ADH5: variants seen among roughly 807,000 people sequenced by gnomAD.
ADH5 encodes the protein alcohol dehydrogenase 5 (class III), chi polypeptide.
ADH5 carries 32 observed loss-of-function variants against 40.3 expected under a neutral mutation model. The ratio of observed to expected loss-of-function variants is 0.79; its 90% CI spans 0.60 to 1.07. The LOEUF (loss-of-function observed/expected upper bound fraction) is 1.07. Among genes scored for constraint, ADH5 ranks in the 50% least tolerant of loss-of-function variants. The pLI is 0.00. For missense variants in ADH5, 353 were observed against 460.5 expected, an observed-to-expected ratio of 0.77 and a Z score of 2.14; for synonymous variants, 125 against 154.3, an observed-to-expected ratio of 0.81 and a Z score of 1.41.
At chr4:99,082,822 G>A (rs1441412611) in intron 2 of ADH5, among the ~76,000 whole-genome samples, 1 of 152,052 alleles carries the variant, frequency 6.6e-6, no homozygotes, top group Non-Finnish European at 1.5e-5. Context: ...GACTGCAGGC[G>A]CGTACCACCA....
At chr4:99,088,628 C>G (rs1728198520) in intron 1 of ADH5, 61 bp downstream of exon 1, 1 of 1,554,000 alleles carries the variant, frequency 6.4e-7, no homozygotes, top group South Asian at 1.2e-5. Context: ...GGATAGCAGC[C>G]TAGTCCCATG....
chr4:99,088,438 T>G (rs577116790), intron 1 of ADH5, among the ~76,000 whole-genome samples: 54 of 141,490 alleles, frequency 3.8e-4, no homozygotes, highest in African/African-American at 1.4e-3. Flanking sequence ...ACTCTCCGGC[T>G]CTCCCACCCC....
intron 4 of ADH5, among the ~76,000 whole-genome samples, chr4:99,078,277 G>A (rs1027097107): frequency 6.6e-6 from 1 of 152,010 alleles, no homozygotes; most frequent in Non-Finnish European, 1.5e-5. Flanking sequence ...AAACTCTTTC[G>A]AACATACATA....
chr4:99,088,342 GTTACTTAATT>G (rs564588697), intron 1 of ADH5, among the ~76,000 whole-genome samples: 1 of 152,286 alleles, frequency 6.6e-6, no homozygotes, highest in East Asian at 1.9e-4. Context: ...CCCAGAGCGA[GTTACTTAATT>G]TCGTGTAAGA....
intron 7 of ADH5, 52 bp downstream of exon 7, chr4:99,074,862 G>C (rs952877643): frequency 6.6e-7 from 1 of 1,524,238 alleles, no homozygotes; most frequent in Non-Finnish European, 8.9e-7. Context: ...TTAAACATCT[G>C]CCAATGCAAC....
chr4:99,083,352 C>T (rs1396160924), intron 2 of ADH5, among the ~76,000 whole-genome samples: 1 of 152,032 alleles, frequency 6.6e-6, no homozygotes, highest in Non-Finnish European at 1.5e-5. Context: ...GTAATCCCAG[C>T]ACTTTGGGAG....
intron 2 of ADH5, 107 bp from the exon 3 acceptor site, chr4:99,082,223 A>G: frequency 8.7e-7 from 1 of 1,150,122 alleles, no homozygotes; most frequent in Non-Finnish European, 1.2e-6. Context: ...CATTGACTCT[A>G]AGACACATTT....
In ADH5 at chr4:99,074,922, G is replaced by A; in HGVS notation, c.953C>T (p.Ala318Val). The A allele has an allele frequency of 1.2e-6, 2 of 1,611,234 alleles. No individual in the cohort carries two copies. Among genetic ancestry groups the A allele is most frequent in the Non-Finnish European group, 1.7e-6 (2 of 1,178,306 alleles). The part of the protein sequence containing the change: ...LVTGRTWKGT[A>V]FGGWKSVESV... ...CTCATCCATCGAATTACCTCCAAAG[G>A]CAGTGCCTTTCCATGTGCGACCTGT... is the stretch of plus-strand genomic sequence containing the variant. The change falls in exon 7 of 9, where the codon GCC becomes GTC. Residue 318 changes from alanine (A) to valine (V), a missense_variant. Physicochemically the swap from Ala to Val is moderately conservative, Grantham distance 64. Transcript: ENST00000296412.
At chr4:99,081,904 T>C (rs374897291) in intron 3 of ADH5, 71 bp downstream of exon 3, 3 of 1,537,844 alleles carry the variant, frequency 2.0e-6, no homozygotes, top group Non-Finnish European at 1.8e-6. Flanking sequence ...TGGGTAGTTT[T>C]ATCAGAAAAA....
chr4:99,076,666 T>G, intron 5 of ADH5, 38 bp downstream of exon 5: 1 of 1,604,174 alleles, frequency 6.2e-7, no homozygotes, highest in Non-Finnish European at 8.5e-7. Flanking sequence ...TGAATTAAAT[T>G]AGAAGGCAGA....
At chr4:99,085,686 T>G in intron 1 of ADH5, 1 of 203,086 alleles carries the variant, frequency 4.9e-6, no homozygotes, top group Non-Finnish European at 1.1e-5. Context: ...CTATATCCCT[T>G]GTAACTGCAC....
rs1727856520 is a variant in ADH5, at chr4:99,072,660, T to A, written c.1013A>T (p.Lys338Ile). The stretch of plus-strand genomic sequence containing the variant: ...CACAAATTCATCAACTTTTATCTTT[T>A]TGGACATATATTCAGACACCAACTT... ...VPKLVSEYMS[K>I]KIKVDEFVTH... The change falls in exon 8 of 9, where the codon AAA (lysine) becomes ATA (isoleucine). Residue 338 changes from lysine (K) to isoleucine (I), a missense_variant. Coordinates refer to ENST00000296412, the MANE Select transcript of ADH5 (RefSeq NM_000671.4). The A allele has an allele frequency of 6.2e-7, 1 of 1,613,598 alleles. No homozygotes were observed. Among genetic ancestry groups the A allele is most frequent in the Non-Finnish European group, 8.5e-7 (1 of 1,179,718 alleles).
intron 4 of ADH5, 128 bp downstream of exon 4, chr4:99,081,237 G>T (rs1421012989): frequency 9.6e-6 from 6 of 622,954 alleles, no homozygotes; most frequent in East Asian, 7.5e-5. Flanking sequence ...TCAGTCCTTT[G>T]AACGTTAATC....
intron 6 of ADH5, 144 bp downstream of exon 6, chr4:99,076,148 C>G: frequency 1.3e-6 from 1 of 772,948 alleles, no homozygotes. Context: ...CATTGTAGTT[C>G]AAATAGATAT....
At chr4:99,080,678 G>C (rs1453911357) in intron 4 of ADH5, 1 of 152,422 alleles carries the variant, frequency 6.6e-6, no homozygotes, top group African/African-American at 2.4e-5. Context: ...GCTGTGCCCA[G>C]GTACCCTCTC....
intron 6 of ADH5, 70 bp downstream of exon 6, chr4:99,076,222 T>C (rs1727925726): frequency 6.5e-7 from 1 of 1,537,394 alleles, no homozygotes; most frequent in South Asian, 1.2e-5. Flanking sequence ...AACAAAACAA[T>C]TTTTAATCTA....
chr4:99,086,439 G>A (rs1728133839), intron 1 of ADH5, among the ~76,000 whole-genome samples: 1 of 152,162 alleles, frequency 6.6e-6, no homozygotes, highest in Non-Finnish European at 1.5e-5. Flanking sequence ...ACAGGAGACA[G>A]ACTTTAAAGT....
chr4:99,076,216 AAAC>A, intron 6 of ADH5, 73 bp downstream of exon 6: 2 of 1,523,874 alleles, frequency 1.3e-6, no homozygotes, highest in East Asian at 4.5e-5. Context: ...TGCCAAAACA[AAAC>A]AATTTTTAAT....
chr4:99,076,888 G>C lies in ADH5; in HGVS notation c.380C>G (p.Thr127Ser), dbSNP rs762798395. 8.1e-6 allele frequency: 13 copies of C among 1,613,548 alleles called. No individual in the cohort carries two copies. The highest frequency in any genetic ancestry group is 1.1e-5 in the South Asian group (1 of 90,980). Residue 127 changes from threonine to serine, a missense_variant, in exon 5 of 9, where the codon ACC becomes AGC. Thr to Ser is a moderately conservative substitution (Grantham distance 58). Transcript: ENST00000296412. ...TQGKGLMPDG[T>S]SRFTCKGKTI... Reference sequence around the variant, plus strand: ...CTTTCCTTTGCAAGTAAATCTGCTGGTACCATCTGGCATTAATCCTTTCCC... The same window carrying C: ...CTTTCCTTTGCAAGTAAATCTGCTGCTACCATCTGGCATTAATCCTTTCCC...
Sources: allele counts gnomAD v4.1 joint callset (sites outside exome capture counted in the v4.1 genomes callset), GRCh38; gene constraint gnomAD v4.1.1; transcripts MANE v1.5; gene names NCBI Gene and HGNC (gene_info 2026-07-23, HGNC 2026-07-21).